MOV10L1: variants seen among roughly 807,000 people sequenced by gnomAD.
The protein encoded by MOV10L1 is RNA helicase Mov10l1.
Under a neutral mutation model 143.8 loss-of-function variants are expected in MOV10L1, and 110 were observed. The observed-to-expected ratio is 0.76, with a 90% CI of 0.66 to 0.90. The LOEUF is 0.90. MOV10L1 is among the 40% of genes least tolerant of loss of function. The pLI is 0.00. For synonymous variants in MOV10L1, 593 were observed against 581.1 expected, an observed-to-expected ratio of 1.02 and a Z score of -0.29; for missense variants, 1,406 against 1,526.8, an observed-to-expected ratio of 0.92 and a Z score of 1.32.
chr22:50,152,520 G>C lies in MOV10L1; in HGVS notation c.2893-525G>C, dbSNP rs2063327572. ...TGTCCCATGTACTGGTGATATCACA[G>C]TCACCCTCAGCCGCATCAGTGAAGT... On this transcript the variant is annotated intron_variant, in intron 21 of 26. Transcript: ENST00000262794. This position sits in a 1 kb window ranked among gnomAD's most constrained non-coding sequence, Gnocchi z 4.4. Among the ~76,000 whole-genome samples the C allele has an allele frequency of 6.6e-6, 1 of 152,188 alleles. No individual in the cohort carries two copies. The highest frequency in any genetic ancestry group is 1.5e-5 in the Non-Finnish European group (1 of 68,022).
chr22:50,112,986 G>T (rs1448388563), intron 5 of MOV10L1, among the ~76,000 whole-genome samples: 1 of 152,202 alleles, frequency 6.6e-6, no homozygotes, highest in Non-Finnish European at 1.5e-5. Context: ...TTGCAGCAGG[G>T]GCCAGAAGTG....
chr22:50,110,006 G>A (rs925942636), intron 5 of MOV10L1, among the ~76,000 whole-genome samples: 1 of 151,890 alleles, frequency 6.6e-6, no homozygotes, highest in Non-Finnish European at 1.5e-5. Context: ...AAAATTACCC[G>A]GTTGTGGTGG....
At chr22:50,128,647 C>T (rs576624881) in intron 13 of MOV10L1, 140 bp downstream of exon 13, 37 of 558,838 alleles carry the variant, frequency 6.6e-5, no homozygotes, top group African/African-American at 5.7e-4. Flanking sequence ...CAGGTTCAAG[C>T]GATTCTCCTG....
chr22:50,100,304 T>C (rs549747992), intron 3 of MOV10L1, among the ~76,000 whole-genome samples: 85 of 152,218 alleles, frequency 5.6e-4, no homozygotes, highest in Admixed American at 1.8e-3. Flanking sequence ...GGTCACTGTT[T>C]AAACTTGTGC....
chr22:50,160,869 G>C (rs765913159), intron 25 of MOV10L1, 44 bp downstream of exon 25: 1 of 1,613,248 alleles, frequency 6.2e-7, no homozygotes, highest in South Asian at 1.1e-5. Flanking sequence ...CTTAAGGAGG[G>C]AGGGTCCGGG....
intron 4 of MOV10L1, 65 bp downstream of exon 4, chr22:50,108,313 A>G: frequency 7.1e-7 from 1 of 1,411,860 alleles, no homozygotes; most frequent in Non-Finnish European, 9.8e-7. Context: ...GGTAACTTGC[A>G]CGGCCCAGGC....
At chr22:50,143,882 C>T (rs566511196) in intron 17 of MOV10L1, among the ~76,000 whole-genome samples, 3 of 152,190 alleles carry the variant, frequency 2.0e-5, no homozygotes, top group African/African-American at 7.2e-5. Flanking sequence ...GGTTTAGAAT[C>T]TTAGAGAGTG....
chr22:50,107,038 G>T lies in MOV10L1; in HGVS notation c.443-1098G>T, dbSNP rs6010171. 3.5e-4 allele frequency among the ~76,000 whole-genome samples: 52 copies of T among 150,658 alleles called. 2 individuals are homozygous for T. Among genetic ancestry groups the T allele is most frequent in the African/African-American group, 1.2e-3 (49 of 40,752 alleles). ...TCTTAAAATACTCCCTGACCTTGAA[G>T]TCAGTGCCCTAGCATATTTTAGTGT... On this transcript the variant is annotated intron_variant, in intron 3 of 26. Coordinates refer to ENST00000262794, the MANE Select transcript of MOV10L1 (RefSeq NM_018995.3).
intron 3 of MOV10L1, among the ~76,000 whole-genome samples, chr22:50,104,125 A>G (rs1216733007): frequency 1.3e-5 from 2 of 152,130 alleles, no homozygotes; most frequent in Non-Finnish European, 2.9e-5. Flanking sequence ...ACGGTTCACA[A>G]TAGGGTTCCA....
chr22:50,149,691 CTGA>C lies in MOV10L1; in HGVS notation c.2707_2709del (p.Met903del). 3.7e-6 allele frequency: 6 copies of C among 1,613,900 alleles called. No individual in the cohort carries two copies. Among genetic ancestry groups the C allele is most frequent in the Non-Finnish European group, 4.2e-6 (5 of 1,179,880 alleles). On this transcript the variant is annotated inframe_deletion, in exon 20 of 27. Coordinates refer to ENST00000262794, the MANE Select transcript of MOV10L1 (RefSeq NM_018995.3). ...GCCGGAATGCCTCATTCCTCTGGGG[CTGA>C]TGTCGGACATCAGTGGCCAGGTAAG...
chr22:50,114,684 A>G, intron 7 of MOV10L1, 62 bp downstream of exon 7: 1 of 1,588,140 alleles, frequency 6.3e-7, no homozygotes, highest in Non-Finnish European at 8.6e-7. Context: ...TGGGGTTGTG[A>G]GTTCTGGACA....
rs151269819 is a variant in MOV10L1, at chr22:50,158,183, G to A, written c.3193G>A (p.Val1065Ile). 9.5e-5 allele frequency: 154 copies of A among 1,614,134 alleles called. No homozygotes were observed. In the East Asian group the frequency reaches 2.6e-3, roughly 27 times the overall value. Residue 1065 changes from valine (V) to isoleucine (I), a missense_variant, in exon 23 of 27, where the codon GTC becomes ATC. By Grantham distance (29) the Val-to-Ile change is conservative. Coordinates refer to ENST00000262794, the MANE Select transcript of MOV10L1 (RefSeq NM_018995.3). The surrounding 1 kb of genome is among the most constrained non-coding windows in gnomAD (Gnocchi z 5.0). ...TCAGGTGTCTGCCAGCGACATTGGC[G>A]TCATCACGCCCTACCGGAAGCAGGT... is the stretch of plus-strand genomic sequence containing the variant. ...SSQVSASDIGVITPYRKQVEK... is the reference protein window; with the variant it reads ...SSQVSASDIGIITPYRKQVEK...
Position 50,114,478 on chromosome 22 carries a change from A to T in MOV10L1, c.982A>T (p.Met328Leu), listed in dbSNP as rs144403688. The T allele has an allele frequency of 1.2e-6, 2 of 1,614,238 alleles. No individual in the cohort carries two copies. The highest frequency in any genetic ancestry group is 1.7e-6 in the Non-Finnish European group (2 of 1,180,050). The change falls in exon 7 of 27, where the codon ATG (methionine) becomes TTG (leucine). Residue 328 changes from methionine (M) to leucine (L), a missense_variant. Physicochemically the swap from Met to Leu is conservative, Grantham distance 15. Around this residue, in one of 3 missense-constraint regions of MOV10L1, gnomAD observed 1,233 missense variants for 1,351.4 expected, o/e 0.91. Coordinates refer to ENST00000262794, the MANE Select transcript of MOV10L1 (RefSeq NM_018995.3). ...ATTCCAAATGCTGGATAAAGACCAG[A>T]TGTGCCCCGTGGTATCTTTTGTTTC... The part of the protein sequence containing the change: ...FRFQMLDKDQ[M>L]CPVVSFVSVP...
chr22:50,115,329 T>C, intron 8 of MOV10L1, 83 bp downstream of exon 8: 1 of 1,381,452 alleles, frequency 7.2e-7, no homozygotes, highest in Non-Finnish European at 9.4e-7. Flanking sequence ...AGGTACTCCT[T>C]TGTGGCGGGT....
chr22:50,105,812 G>A lies in MOV10L1; in HGVS notation c.443-2324G>A, dbSNP rs780022895. Among the ~76,000 whole-genome samples the A allele has an allele frequency of 9.9e-5, 15 of 152,214 alleles. 1 individual carries two copies. Among genetic ancestry groups the A allele is most frequent in the Admixed American group, 9.2e-4 (14 of 15,276 alleles). On this transcript the variant is annotated intron_variant, in intron 3 of 26. Transcript: ENST00000262794. ...TGAGGGCTGCCAGCCCCCAGTGTCC[G>A]TGTGTGTGTTTCGTTGTCATGAGCT... is the stretch of plus-strand genomic sequence containing the variant.
chr22:50,154,797 T>A (rs9617107), intron 22 of MOV10L1, among the ~76,000 whole-genome samples: 1 of 152,190 alleles, frequency 6.6e-6, no homozygotes. Flanking sequence ...TTTATCTTCC[T>A]CATTATGTAA....
chr22:50,143,230 A>G lies in MOV10L1; in HGVS notation c.2358+9A>G. 1.2e-6 allele frequency: 2 copies of G among 1,613,830 alleles called. No individual in the cohort carries two copies. The highest frequency in any genetic ancestry group is 2.2e-5 in the South Asian group (2 of 91,056). ...TAGAGGCTGTTTTACAGGTAAGGAC[A>G]GCGGCGCCGCGGGTGCTGTGGCTCT... On this transcript the variant is annotated intron_variant, in intron 17 of 26. Transcript: ENST00000262794.
intron 15 of MOV10L1, among the ~76,000 whole-genome samples, chr22:50,136,074 C>T (rs1375467684): frequency 2.0e-5 from 3 of 152,258 alleles, no homozygotes; most frequent in East Asian, 3.9e-4. Context: ...GTTTAGAATG[C>T]CTATACAATC....
At chr22:50,114,259 A>T (rs1169516879) in intron 6 of MOV10L1, 122 bp from the exon 7 acceptor site, 2 of 1,224,036 alleles carry the variant, frequency 1.6e-6, no homozygotes, top group East Asian at 4.8e-5. Context: ...TGACCTTTTG[A>T]CTTATATTCA....
Sources: gnomAD v4.1 joint callset for allele counts (sites outside exome capture counted in the v4.1 genomes callset) on GRCh38, gnomAD v4.1.1 for gene constraint, gnomAD v4.1.1 regional missense constraint, Gnocchi (gnomAD v3.1) non-coding constraint, MANE v1.5 for transcripts, NCBI Gene and HGNC (gene_info 2026-07-23, HGNC 2026-07-21) for gene names.